The following MTUS2 variants were observed in gnomAD, a reference collection of about 807,000 sequenced individuals.
The protein encoded by MTUS2 is microtubule-associated tumor suppressor candidate 2.
Under a neutral mutation model 114.1 loss-of-function variants are expected in MTUS2, and 40 were observed. The observed-to-expected ratio is 0.35, with a 90% CI of 0.27 to 0.46. The LOEUF is 0.46. MTUS2 is among the 20% of genes least tolerant of loss of function. MTUS2 has a pLI of 1.00. For missense variants in MTUS2, 1,679 were observed against 1,705.4 expected (o/e 0.98, Z 0.27); for synonymous variants, 688 against 672.0 (o/e 1.02, Z -0.37).
intron 5 of MTUS2, among the ~76,000 whole-genome samples, chr13:29,216,160 G>T (rs1477984820): frequency 1.3e-5 from 2 of 152,194 alleles, no homozygotes; most frequent in Non-Finnish European, 2.9e-5. Context: ...AAACTTTCTG[G>T]CAGCTTCGTT....
intron 7 of MTUS2, among the ~76,000 whole-genome samples, chr13:29,349,655 AT>A (rs1190054622): frequency 6.6e-6 from 1 of 151,608 alleles, no homozygotes; most frequent in African/African-American, 2.4e-5. Context: ...CCAAGTTGGC[AT>A]TTTTTTTCTT....
At chr13:29,391,489 A>C (rs1873458039) in intron 8 of MTUS2, among the ~76,000 whole-genome samples, 1 of 152,180 alleles carries the variant, frequency 6.6e-6, no homozygotes. Context: ...AGCTGCATGT[A>C]ATGCCCAGAA....
chr13:29,421,454 A>G (rs957146512), intron 8 of MTUS2, among the ~76,000 whole-genome samples: 3 of 152,082 alleles, frequency 2.0e-5, no homozygotes, highest in African/African-American at 7.2e-5. Context: ...ACAATTTTTA[A>G]CTCTTTGACC....
At position 29,251,546 on chromosome 13, in the gene MTUS2, C is replaced by T. The variant is rs73451217; in HGVS notation, c.2645-30158C>T. Among the ~76,000 whole-genome samples the T allele has an allele frequency of 3.9e-3, 597 of 152,288 alleles. 2 individuals are homozygous for T. Among genetic ancestry groups the T allele is most frequent in the African/African-American group, 0.013 (554 of 41,556 alleles). ...ACGTTCTCATCATCCAAAACAGAAA[C>T]TCTGTGCCATTAAACACTGACTCCC... On this transcript the variant is annotated intron_variant, in intron 5 of 15. Coordinates refer to ENST00000612955, the MANE Select transcript of MTUS2 (RefSeq NM_001033602.4).
At chr13:28,988,500 A>G (rs1268191578) in intron 2 of MTUS2, among the ~76,000 whole-genome samples, 1 of 152,188 alleles carries the variant, frequency 6.6e-6, no homozygotes, top group Non-Finnish European at 1.5e-5. Flanking sequence ...GTTCTACTAG[A>G]GAAGTTATTA....
intron 5 of MTUS2, among the ~76,000 whole-genome samples, chr13:29,106,196 ATC>A (rs1486389151): frequency 6.6e-6 from 1 of 152,206 alleles, no homozygotes; most frequent in Non-Finnish European, 1.5e-5. Context: ...GCCATCAAGT[ATC>A]TCTAACCCGA....
chr13:28,908,212 A>G (rs1379552610), intron 2 of MTUS2, among the ~76,000 whole-genome samples: 1 of 151,466 alleles, frequency 6.6e-6, no homozygotes, highest in Non-Finnish European at 1.5e-5. Context: ...ACATATGTAT[A>G]CATGTGCCAT....
chr13:29,280,251 G>A (rs1406817134), intron 5 of MTUS2, among the ~76,000 whole-genome samples: 1 of 152,206 alleles, frequency 6.6e-6, no homozygotes, highest in African/African-American at 2.4e-5. Flanking sequence ...AGGATACAGT[G>A]CAGATCCTTT....
chr13:29,169,502 C>T (rs1235960504), intron 5 of MTUS2, among the ~76,000 whole-genome samples: 11 of 152,196 alleles, frequency 7.2e-5, no homozygotes, highest in East Asian at 5.8e-4. Flanking sequence ...TTTTAATTTA[C>T]GTGTGTGTCA....
In MTUS2 at chr13:29,033,934, A is replaced by G. The variant is rs1346472312; in HGVS notation, c.2255A>G (p.His752Arg). The change falls in exon 4 of 16, where the codon CAT becomes CGT. Residue 752 changes from histidine to arginine, a missense_variant. Coordinates refer to ENST00000612955, the MANE Select transcript of MTUS2 (RefSeq NM_001033602.4). ...KEEFCSPPYA[H>R]YEVPPTFYRS... is the part of the protein sequence containing the mutation. The stretch of plus-strand genomic sequence containing the variant: ...GAGTTTTGTTCTCCTCCCTATGCTC[A>G]TTATGAAGTCCCTCCAACTTTCTAT... 1.1e-5 allele frequency: 17 copies of G among 1,613,896 alleles called. No individual in the cohort carries two copies. The East Asian group carries it at 3.6e-4, about 34-fold the overall frequency.
Position 29,503,066 on chromosome 13 carries a change from C to A in MTUS2, c.3970C>A (p.Arg1324=). ...KETQEKKRLS[R]TNEELLWKLQ... ...AACCCAGGAGAAGAAGAGATTGAGC[C>A]GAACCAATGAAGAGCTGCTTTGGAA... is the stretch of plus-strand genomic sequence containing the variant. The change falls in exon 16 of 16, where the codon CGA becomes AGA. Residue 1324 remains arginine (R), a synonymous_variant. Coordinates refer to ENST00000612955, the MANE Select transcript of MTUS2 (RefSeq NM_001033602.4). 1.2e-6 allele frequency: 2 copies of A among 1,614,210 alleles called. No homozygotes were observed. Among genetic ancestry groups the A allele is most frequent in the South Asian group, 1.1e-5 (1 of 91,084 alleles).
chr13:28,905,997 C>T (rs749931590), intron 2 of MTUS2, among the ~76,000 whole-genome samples: 5 of 151,496 alleles, frequency 3.3e-5, no homozygotes, highest in Non-Finnish European at 7.4e-5. Context: ...GTGTATGTGT[C>T]GAGGAATTTA....
chr13:29,148,893 T>C (rs141059452), intron 5 of MTUS2, among the ~76,000 whole-genome samples: 112 of 152,214 alleles, frequency 7.4e-4, no homozygotes, highest in Non-Finnish European at 6.5e-4. Flanking sequence ...TAGTATTCCA[T>C]GGTGTATATG....
chr13:28,985,486 C>T (rs182422027), intron 2 of MTUS2, among the ~76,000 whole-genome samples: 2 of 151,428 alleles, frequency 1.3e-5, no homozygotes, highest in East Asian at 3.9e-4. Context: ...TGTTGTCATT[C>T]CAGTTATAAA....
chr13:29,122,001 C>T (rs1891331429), intron 5 of MTUS2, among the ~76,000 whole-genome samples: 3 of 152,134 alleles, frequency 2.0e-5, no homozygotes, highest in Non-Finnish European at 4.4e-5. Context: ...GCTGTATTGT[C>T]AGAATAAAAA....
chr13:29,266,472 C>T (rs902715306), intron 5 of MTUS2, among the ~76,000 whole-genome samples: 1 of 152,102 alleles, frequency 6.6e-6, no homozygotes, highest in South Asian at 2.1e-4. Flanking sequence ...GTAAATGGCA[C>T]CCTCTCTTGG....
At chr13:29,160,930 C>T (rs1893070909) in intron 5 of MTUS2, among the ~76,000 whole-genome samples, 1 of 152,190 alleles carries the variant, frequency 6.6e-6, no homozygotes, top group African/African-American at 2.4e-5. Flanking sequence ...TTACATACTG[C>T]ATGACTCCAT....
chr13:29,375,557 ACGT>A lies in MTUS2; in HGVS notation c.3117+16085_3117+16087del, dbSNP rs1463438570. On this transcript the variant is annotated intron_variant, in intron 8 of 15. Coordinates refer to ENST00000612955, the MANE Select transcript of MTUS2 (RefSeq NM_001033602.4). Reference sequence around the variant, plus strand: ...TATATACGTGTATATATATATATATACGTATATATATATATACATATATATATA... The same window carrying A: ...TATATACGTGTATATATATATATATAATATATATATATACATATATATATA... 9.0e-3 allele frequency among the ~76,000 whole-genome samples: 42 copies of A among 4,666 alleles called. 5 individuals are homozygous for A. Among genetic ancestry groups the A allele is most frequent in the Middle Eastern group, 0.083 (1 of 12 alleles). The allele number at this position is 4,666 out of a possible 152,430, so 3.1% of individuals were successfully genotyped here.
At chr13:29,015,879 CT>C (rs199674457) in intron 2 of MTUS2, among the ~76,000 whole-genome samples, 6 of 151,912 alleles carry the variant, frequency 3.9e-5, no homozygotes, top group South Asian at 2.1e-4. Flanking sequence ...TTTACTTTTT[CT>C]TTTTTTTATA....
Sources: gnomAD v4.1 joint callset for allele counts (sites outside exome capture counted in the v4.1 genomes callset) on GRCh38, gnomAD v4.1.1 for gene constraint, MANE v1.5 for transcripts, NCBI Gene and HGNC (gene_info 2026-07-23, HGNC 2026-07-21) for gene names.